DDX10: variants seen among roughly 807,000 people sequenced by gnomAD.
The protein encoded by DDX10 is DEAD-box helicase 10.
In DDX10, 74 loss-of-function variants were observed where a neutral mutation model predicts 104.3. That is an observed-to-expected ratio of 0.71 (90% CI 0.59 to 0.86). DDX10 has a LOEUF of 0.86. DDX10 is among the 40% of genes least tolerant of loss of function. The probability of loss-of-function intolerance (pLI) is 0.00; values close to 1 mark genes in which losing one functional copy is unlikely to be tolerated. For missense variants in DDX10, 952 were observed against 1,040.0 expected (o/e 0.92, Z 1.16); for synonymous variants, 351 against 353.4 (o/e 0.99, Z 0.08).
intron 16 of DDX10, among the ~76,000 whole-genome samples, chr11:108,912,563 C>A (rs968456171): frequency 9.8e-5 from 15 of 152,312 alleles, no homozygotes; most frequent in African/African-American, 3.6e-4. Context: ...TTTTCCCTTA[C>A]TTACAGCAGT....
chr11:108,706,484 C>A (rs2094276374), intron 9 of DDX10, among the ~76,000 whole-genome samples: 1 of 152,074 alleles, frequency 6.6e-6, no homozygotes, highest in African/African-American at 2.4e-5. Context: ...AAGAAAATCT[C>A]TTTAATTGAT....
At chr11:108,808,764 T>A (rs1565285376) in intron 13 of DDX10, among the ~76,000 whole-genome samples, 1 of 149,132 alleles carries the variant, frequency 6.7e-6, no homozygotes, top group Admixed American at 6.7e-5. Flanking sequence ...GGCCCACCTT[T>A]AAAAAAAAAA....
chr11:108,803,667 A>G (rs962658194), intron 13 of DDX10, among the ~76,000 whole-genome samples: 1 of 151,890 alleles, frequency 6.6e-6, no homozygotes, highest in Non-Finnish European at 1.5e-5. Flanking sequence ...AGACATACAT[A>G]TGTAAATCTA....
intron 13 of DDX10, among the ~76,000 whole-genome samples, chr11:108,816,707 C>G (rs1294846126): frequency 6.6e-6 from 1 of 152,116 alleles, no homozygotes; most frequent in African/African-American, 2.4e-5. Context: ...TGCCCACCAC[C>G]AGGCCCGGCT....
intron 16 of DDX10, among the ~76,000 whole-genome samples, chr11:108,899,490 G>A (rs1260658592): frequency 6.8e-6 from 1 of 147,252 alleles, no homozygotes; most frequent in Non-Finnish European, 1.5e-5. Context: ...AGCATGCACA[G>A]CTACCTTTTT....
At chr11:108,844,161 T>A (rs1406457818) in intron 15 of DDX10, among the ~76,000 whole-genome samples, 1 of 147,588 alleles carries the variant, frequency 6.8e-6, no homozygotes, top group Non-Finnish European at 1.5e-5. Context: ...AGTCACAGTA[T>A]TTTTTTTTTT....
intron 13 of DDX10, among the ~76,000 whole-genome samples, chr11:108,736,951 T>G (rs901143933): frequency 5.9e-5 from 9 of 152,222 alleles, no homozygotes; most frequent in African/African-American, 1.9e-4. Context: ...TATAGGCTTC[T>G]GTAGGCACAT....
At chr11:108,927,075 A>G (rs1863918530) in intron 17 of DDX10, among the ~76,000 whole-genome samples, 1 of 152,026 alleles carries the variant, frequency 6.6e-6, no homozygotes, top group Non-Finnish European at 1.5e-5. Flanking sequence ...ACTGTTCTCC[A>G]CCTCCAGACA....
intron 13 of DDX10, among the ~76,000 whole-genome samples, chr11:108,828,600 C>G (rs1357815519): frequency 6.6e-6 from 1 of 151,926 alleles, no homozygotes; most frequent in East Asian, 1.9e-4. Context: ...ATCTGAAACT[C>G]TATACCTGTT....
At chr11:108,832,690 A>C (rs1862488910) in intron 13 of DDX10, among the ~76,000 whole-genome samples, 1 of 152,192 alleles carries the variant, frequency 6.6e-6, no homozygotes, top group East Asian at 1.9e-4. Flanking sequence ...ATTCCTTATA[A>C]ATCTTTGGTG....
chr11:108,855,964 T>A (rs1394565986), intron 16 of DDX10, among the ~76,000 whole-genome samples: 1 of 152,206 alleles, frequency 6.6e-6, no homozygotes, highest in African/African-American at 2.4e-5. Flanking sequence ...AGATGTACAT[T>A]TTCACTTGTT....
chr11:108,804,846 A>G (rs1862075744), intron 13 of DDX10, among the ~76,000 whole-genome samples: 1 of 152,346 alleles, frequency 6.6e-6, no homozygotes, highest in East Asian at 1.9e-4. Context: ...TTGAAGCCCT[A>G]ATCTTCAATA....
chr11:108,698,055 C>T (rs1264036428), intron 9 of DDX10, among the ~76,000 whole-genome samples: 10 of 152,184 alleles, frequency 6.6e-5, no homozygotes, highest in Non-Finnish European at 1.5e-4. Flanking sequence ...TGTGATTCCA[C>T]TAGGGGACAG....
At chr11:108,687,640 T>C (rs1415677902) in intron 6 of DDX10, among the ~76,000 whole-genome samples, 1 of 152,240 alleles carries the variant, frequency 6.6e-6, no homozygotes, top group African/African-American at 2.4e-5. Flanking sequence ...TCTGTTCTTA[T>C]TGTTGAATTT....
intron 1 of DDX10, among the ~76,000 whole-genome samples, chr11:108,669,947 G>C (rs916963741): frequency 3.9e-5 from 6 of 152,196 alleles, no homozygotes; most frequent in Admixed American, 2.0e-4. Context: ...ACGCAGCCCT[G>C]CTGCCACCTA....
At chr11:108,807,214 G>A (rs1057395851) in intron 13 of DDX10, among the ~76,000 whole-genome samples, 3 of 152,078 alleles carry the variant, frequency 2.0e-5, no homozygotes, top group African/African-American at 4.8e-5. Context: ...CCTGAGCCTG[G>A]GAATTAAAGA....
chr11:108,824,720 AAT>A (rs759806425), intron 13 of DDX10, among the ~76,000 whole-genome samples: 4 of 152,212 alleles, frequency 2.6e-5, no homozygotes, highest in Non-Finnish European at 5.9e-5. Context: ...CCTACAGCAA[AAT>A]ATGAGTGGTT....
chr11:108,886,707 T>C (rs1473999585), intron 16 of DDX10, among the ~76,000 whole-genome samples: 1 of 152,232 alleles, frequency 6.6e-6, no homozygotes, highest in Non-Finnish European at 1.5e-5. Context: ...ATAAGAAAGA[T>C]GTTTCTTCAA....
At chr11:108,677,448 G>A (rs539498387) in intron 4 of DDX10, among the ~76,000 whole-genome samples, 4 of 151,610 alleles carry the variant, frequency 2.6e-5, no homozygotes, top group East Asian at 1.9e-4. Context: ...TTTTTTTGTC[G>A]GGGAATCTGA....
Sources: allele counts gnomAD v4.1 joint callset (sites outside exome capture counted in the v4.1 genomes callset), GRCh38; gene constraint gnomAD v4.1.1; transcripts MANE v1.5; gene names NCBI Gene and HGNC (gene_info 2026-07-23, HGNC 2026-07-21).